The following PPIL4 variants were observed in gnomAD, a reference collection of about 807,000 sequenced individuals.
PPIL4 encodes the protein peptidylprolyl isomerase like 4.
PPIL4 carries 50 observed loss-of-function variants against 69.1 expected under a neutral mutation model. That is an observed-to-expected ratio of 0.72 (90% CI 0.58 to 0.92). The LOEUF (loss-of-function observed/expected upper bound fraction) is 0.92. PPIL4 is among the 40% of genes least tolerant of loss of function. The pLI is 0.00. For missense variants in PPIL4, 480 were observed against 587.9 expected (o/e 0.82, Z 1.90); for synonymous variants, 193 against 191.6 (o/e 1.01, Z -0.06).
At chr6:149,521,543 G>C (rs746300298) in intron 9 of PPIL4, among the ~76,000 whole-genome samples, 22 of 152,212 alleles carry the variant, frequency 1.4e-4, no homozygotes, top group Non-Finnish European at 2.9e-4. Context: ...GAAAGTGAAA[G>C]TTGTGTTCCT....
chr6:149,508,154 G>C (rs1776793431), intron 12 of PPIL4, among the ~76,000 whole-genome samples: 1 of 152,202 alleles, frequency 6.6e-6, no homozygotes, highest in African/African-American at 2.4e-5. Flanking sequence ...GCACAGGTTG[G>C]AGATAATTTA....
chr6:149,517,364 G>A lies in PPIL4; in HGVS notation c.1069C>T (p.Pro357Ser), dbSNP rs1364252351. 2 of 1,573,948 alleles carry A rather than the reference G, an allele frequency of 1.3e-6. No individual in the cohort carries two copies. Among genetic ancestry groups the A allele is most frequent in the Non-Finnish European group, 1.7e-6 (2 of 1,144,788 alleles). ...TCTTGGTAAGGATACTCCTGTTTGGGCTTTACTTTATCTTTCAGAACCAAA... is the reference window on the plus strand; with the variant it reads ...TCTTGGTAAGGATACTCCTGTTTGGACTTTACTTTATCTTTCAGAACCAAA... ...PNLVLKDKVK[P>S]KQDTKYDLIL... The change falls in exon 11 of 13, where the codon CCC (proline) becomes TCC (serine). Residue 357 changes from proline (P) to serine (S), a missense_variant. By Grantham distance (74) the Pro-to-Ser change is moderately conservative (BLOSUM62 -1). Transcript: ENST00000253329.
chr6:149,515,381 G>T (rs1485005735), intron 11 of PPIL4, among the ~76,000 whole-genome samples: 1 of 152,076 alleles, frequency 6.6e-6, no homozygotes, highest in African/African-American at 2.4e-5. Context: ...TACGAAAGAA[G>T]ACAGCACTCC....
chr6:149,526,425 G>T (rs1308590184), intron 8 of PPIL4, among the ~76,000 whole-genome samples: 4 of 152,146 alleles, frequency 2.6e-5, no homozygotes, highest in African/African-American at 9.7e-5. Context: ...AAAATGTGTT[G>T]AGAGTGGGAG....
intron 9 of PPIL4, among the ~76,000 whole-genome samples, chr6:149,524,162 T>C (rs527392049): frequency 6.6e-6 from 1 of 152,192 alleles, no homozygotes; most frequent in Admixed American, 6.5e-5. Context: ...GAATCAGACA[T>C]ATCTGAGTTC....
chr6:149,528,036 T>G (rs1306941883), intron 7 of PPIL4, among the ~76,000 whole-genome samples: 1 of 152,110 alleles, frequency 6.6e-6, no homozygotes, highest in African/African-American at 2.4e-5. Flanking sequence ...AAGGAGGATC[T>G]CTTGAAGCCA....
chr6:149,514,283 T>G lies in PPIL4; in HGVS notation c.1080-1981A>C, dbSNP rs149064508. Among the ~76,000 whole-genome samples, 1,246 of 152,330 alleles carry G rather than the reference T, an allele frequency of 8.2e-3. 5 individuals are homozygous for G. Among genetic ancestry groups the G allele is most frequent in the Non-Finnish European group, 0.015 (992 of 68,032 alleles). ...ATACACATTCCATAGCTCCCACCTA[T>G]GATTTCATCCTAATGTGTGCTCTGC... On this transcript the variant is annotated intron_variant, in intron 11 of 12. Coordinates refer to ENST00000253329, the MANE Select transcript of PPIL4 (RefSeq NM_139126.4).
intron 7 of PPIL4, among the ~76,000 whole-genome samples, chr6:149,527,922 G>A (rs17087666): frequency 0.029 from 4,352 of 152,252 alleles, 188 homozygotes; most frequent in African/African-American, 0.098. Context: ...GATCTCCTCA[G>A]TGTTTCTGAA....
At chr6:149,530,312 G>T (rs1299512886) in intron 7 of PPIL4, among the ~76,000 whole-genome samples, 1 of 152,010 alleles carries the variant, frequency 6.6e-6, no homozygotes, top group African/African-American at 2.4e-5. Context: ...TAAAAACAAA[G>T]CCAAAAAAAG....
intron 1 of PPIL4, among the ~76,000 whole-genome samples, chr6:149,544,589 C>T (rs1433469865): frequency 6.6e-6 from 1 of 152,070 alleles, no homozygotes; most frequent in Non-Finnish European, 1.5e-5. Context: ...TTATAAAAGA[C>T]CTAAGACACA....
intron 4 of PPIL4, among the ~76,000 whole-genome samples, chr6:149,537,721 A>G (rs1399993424): frequency 2.6e-5 from 4 of 151,928 alleles, no homozygotes; most frequent in African/African-American, 9.7e-5. Context: ...AAAAAAAAGA[A>G]TGATGCTAAA....
chr6:149,506,782 G>C (rs1776777547), intron 12 of PPIL4, among the ~76,000 whole-genome samples: 2 of 152,134 alleles, frequency 1.3e-5, no homozygotes, highest in African/African-American at 4.8e-5. Flanking sequence ...TTTTTGTAGA[G>C]ACGGGGTTTC....
chr6:149,540,392 G>A (rs1052558362), intron 4 of PPIL4, among the ~76,000 whole-genome samples: 3 of 152,278 alleles, frequency 2.0e-5, no homozygotes, highest in East Asian at 1.9e-4. Flanking sequence ...CAAGGCAGGC[G>A]GATCATGAGG....
At chr6:149,533,763 A>T (rs549828860) in intron 6 of PPIL4, among the ~76,000 whole-genome samples, 189 bp from the exon 7 acceptor site, 27 of 152,288 alleles carry the variant, frequency 1.8e-4, no homozygotes, top group Non-Finnish European at 3.4e-4. Context: ...CTAAAAAAAA[A>T]TTTTTAATAA....
At position 149,512,304 on chromosome 6, in the gene PPIL4, T is replaced by C. The variant is rs1776858975; in HGVS notation, c.1080-2A>G. On this transcript the variant is annotated splice_acceptor_variant, in intron 11 of 12. Transcript: ENST00000253329. LOFTEE classifies it high-confidence loss of function. The stretch of plus-strand genomic sequence containing the variant: ...TCTAATATAAGATCGTATTTTGTAC[T>C]GCAGTAGTTAGTTAAGGATAAATGT... 6.2e-7 allele frequency: 1 copy of C among 1,606,818 alleles called. No individual in the cohort carries two copies. The highest frequency in any genetic ancestry group is 8.5e-7 in the Non-Finnish European group (1 of 1,175,220).
intron 7 of PPIL4, among the ~76,000 whole-genome samples, chr6:149,528,931 A>G (rs117570888): frequency 2.8e-3 from 432 of 152,334 alleles, no homozygotes; most frequent in South Asian, 5.0e-3. Flanking sequence ...TTAGCAATTA[A>G]AAGAAATGAG....
chr6:149,535,512 A>G, intron 5 of PPIL4, 84 bp downstream of exon 5: 1 of 998,296 alleles, frequency 1.0e-6, no homozygotes, highest in Non-Finnish European at 1.5e-6. Flanking sequence ...TCCTATGCAT[A>G]CCGTTCCTAT....
intron 8 of PPIL4, among the ~76,000 whole-genome samples, chr6:149,525,690 A>T (rs1467880582): frequency 6.6e-6 from 1 of 152,254 alleles, no homozygotes; most frequent in Non-Finnish European, 1.5e-5. Context: ...CACTGTAAGC[A>T]CAATGTTAAT....
At chr6:149,513,420 T>A (rs867398763) in intron 11 of PPIL4, among the ~76,000 whole-genome samples, 404 of 117,650 alleles carry the variant, frequency 3.4e-3, no homozygotes, top group South Asian at 0.013. Context: ...AAAATATATA[T>A]ATATATATAT....
Sources: gnomAD v4.1 joint callset for allele counts (sites outside exome capture counted in the v4.1 genomes callset) on GRCh38, gnomAD v4.1.1 for gene constraint, MANE v1.5 for transcripts, NCBI Gene and HGNC (gene_info 2026-07-23, HGNC 2026-07-21) for gene names.